Variants in ZCCHC14 observed in about 807,000 individuals in gnomAD.
ZCCHC14 encodes the protein zinc finger CCHC-type containing 14.
In ZCCHC14, 16 loss-of-function variants were observed where a neutral mutation model predicts 85.0. The observed-to-expected ratio is 0.19, with a 90% CI of 0.13 to 0.29. ZCCHC14 has a LOEUF of 0.29. Ranked by LOEUF, ZCCHC14 falls within the 10% of genes least tolerant of loss-of-function variation. ZCCHC14 has a pLI of 1.00. For missense variants in ZCCHC14, 1,303 were observed against 1,443.5 expected (o/e 0.90, Z 1.58); for synonymous variants, 775 against 630.7 (o/e 1.23, Z -3.43).
chr16:87,407,734 T>C lies in ZCCHC14; in HGVS notation c.*2546A>G, dbSNP rs1336215075. The stretch of plus-strand genomic sequence containing the variant: ...ACTTTCAGGAAAATGACTAAGTACT[T>C]GAAAGGGTCAGTATGTTCTGTGTTT... On this transcript the variant is annotated 3_prime_UTR_variant, in exon 13 of 13. Transcript: ENST00000671377. 6.6e-6 allele frequency: 1 copy of C among 152,228 alleles called. No homozygotes were observed. Among genetic ancestry groups the C allele is most frequent in the Non-Finnish European group, 1.5e-5 (1 of 68,046 alleles). 9.4% of individuals were successfully genotyped at this position (152,228 alleles called of 1,614,324 possible). A position where few individuals can be genotyped will look rare whatever the true frequency, so the allele number is the denominator to read the frequency against.
chr16:87,458,529 T>C (rs1489201770), intron 2 of ZCCHC14, among the ~76,000 whole-genome samples: 3 of 152,090 alleles, frequency 2.0e-5, no homozygotes, highest in African/African-American at 4.8e-5. Context: ...CTCCATACCA[T>C]ACCGTGCTCA....
At chr16:87,448,812 T>TA (rs1910558072) in intron 2 of ZCCHC14, among the ~76,000 whole-genome samples, 1 of 152,230 alleles carries the variant, frequency 6.6e-6, no homozygotes, top group African/African-American at 2.4e-5. Context: ...CTTGTCTGTG[T>TA]ACTTTGCAGT....
chr16:87,420,582 G>A lies in ZCCHC14; in HGVS notation c.950+25C>T, dbSNP rs369609420. On this transcript the variant is annotated intron_variant, in intron 5 of 12. Coordinates refer to ENST00000671377, the MANE Select transcript of ZCCHC14 (RefSeq NM_015144.3). The surrounding 1 kb of genome is among the most constrained non-coding windows in gnomAD (Gnocchi z 5.0). ...GCCTGTCCTTGCCAGCTGTGGACGCGCCGGGTGCCTGGTAAGGGCCTCACC... is the reference window on the plus strand; with the variant it reads ...GCCTGTCCTTGCCAGCTGTGGACGCACCGGGTGCCTGGTAAGGGCCTCACC... The A allele has an allele frequency of 3.0e-5, 47 of 1,588,638 alleles. 1 individual carries two copies. The highest frequency in any genetic ancestry group is 2.3e-4 in the African/African-American group (17 of 74,432).
chr16:87,481,196 G>A (rs1912251887), intron 1 of ZCCHC14, among the ~76,000 whole-genome samples: 1 of 152,174 alleles, frequency 6.6e-6, no homozygotes, highest in African/African-American at 2.4e-5. Context: ...GCTAGACCTA[G>A]GTCAAGGTCA....
intron 2 of ZCCHC14, among the ~76,000 whole-genome samples, chr16:87,447,156 T>C (rs2150748759): frequency 6.6e-6 from 1 of 152,320 alleles, no homozygotes; most frequent in East Asian, 1.9e-4. Flanking sequence ...CAGAGCCTTA[T>C]AAGACACATA....
chr16:87,442,290 G>T (rs1910224341), intron 2 of ZCCHC14, among the ~76,000 whole-genome samples: 2 of 152,166 alleles, frequency 1.3e-5, no homozygotes. Context: ...CCCACAGAAG[G>T]CTGCACAGTA....
intron 2 of ZCCHC14, among the ~76,000 whole-genome samples, chr16:87,447,724 G>C (rs751320188): frequency 6.6e-6 from 1 of 152,290 alleles, no homozygotes; most frequent in South Asian, 2.1e-4. Flanking sequence ...AAATTCCCTA[G>C]GACGAGAACT....
In ZCCHC14 at chr16:87,491,628, C is replaced by A. The variant is rs756792659; in HGVS notation, c.570+41G>T. 7.3e-7 allele frequency: 1 copy of A among 1,364,532 alleles called. No individual in the cohort carries two copies. Among genetic ancestry groups the A allele is most frequent in the Non-Finnish European group, 9.4e-7 (1 of 1,061,690 alleles). The allele number at this position is 1,364,532 out of a possible 1,614,324, so 84.5% of individuals were successfully genotyped here. On this transcript the variant is annotated intron_variant, in intron 1 of 12. Transcript: ENST00000671377. This position sits in a 1 kb window ranked among gnomAD's most constrained non-coding sequence, Gnocchi z 5.9. ...GGCTTGGAGTGCAGAGTTGGGGATG[C>A]AGACTTGGGGTACAGGGCAGAGCTC...
At chr16:87,451,194 C>G (rs559100929) in intron 2 of ZCCHC14, among the ~76,000 whole-genome samples, 2 of 146,638 alleles carry the variant, frequency 1.4e-5, no homozygotes, top group Admixed American at 1.4e-4. Context: ...GACATGGCGC[C>G]CAGCCTTTTT....
chr16:87,447,491 T>C (rs1488342269), intron 2 of ZCCHC14, among the ~76,000 whole-genome samples: 2 of 152,212 alleles, frequency 1.3e-5, no homozygotes, highest in African/African-American at 4.8e-5. Flanking sequence ...CGGGCCCTGC[T>C]TTCATTCAAC....
At chr16:87,450,112 A>G (rs1014036334) in intron 2 of ZCCHC14, among the ~76,000 whole-genome samples, 31 of 152,196 alleles carry the variant, frequency 2.0e-4, no homozygotes, top group African/African-American at 6.5e-4. Context: ...GGTCATATAC[A>G]AGACAACCAA....
chr16:87,464,598 G>A (rs537908592), intron 1 of ZCCHC14, among the ~76,000 whole-genome samples: 1 of 152,166 alleles, frequency 6.6e-6, no homozygotes, highest in Non-Finnish European at 1.5e-5. Flanking sequence ...CACTGCATCT[G>A]ACATCAAGAC....
chr16:87,438,186 G>A (rs1910021058), intron 2 of ZCCHC14, among the ~76,000 whole-genome samples: 1 of 152,274 alleles, frequency 6.6e-6, no homozygotes, highest in South Asian at 2.1e-4. Flanking sequence ...GCACTGCGTG[G>A]CACACAGAGC....
intron 9 of ZCCHC14, 89 bp downstream of exon 9, chr16:87,415,187 C>G: frequency 9.5e-7 from 1 of 1,054,046 alleles, no homozygotes; most frequent in Non-Finnish European, 1.5e-6. Flanking sequence ...AATCCAATCA[C>G]TAGTATTTAG....
chr16:87,434,754 G>A (rs143123673), intron 2 of ZCCHC14, among the ~76,000 whole-genome samples: 10,968 of 152,148 alleles, frequency 0.072, 1,321 homozygotes, highest in African/African-American at 0.25. Context: ...CACTTTGGGG[G>A]GCCGAGGCAG....
intron 1 of ZCCHC14, among the ~76,000 whole-genome samples, chr16:87,478,227 A>G (rs1291794093): frequency 1.3e-5 from 2 of 152,266 alleles, no homozygotes; most frequent in African/African-American, 2.4e-5. Flanking sequence ...TGCAGTGTCG[A>G]AAGTTCAGAA....
chr16:87,432,865 C>G (rs1191779488), intron 3 of ZCCHC14, among the ~76,000 whole-genome samples: 1 of 152,192 alleles, frequency 6.6e-6, no homozygotes, highest in Non-Finnish European at 1.5e-5. Flanking sequence ...CTATTTAGCC[C>G]CCTGAGGTAT....
At chr16:87,461,302 C>T (rs1399680874) in intron 1 of ZCCHC14, among the ~76,000 whole-genome samples, 2 of 152,222 alleles carry the variant, frequency 1.3e-5, no homozygotes, top group African/African-American at 4.8e-5. Context: ...AACCTTCATT[C>T]CCTCCCCATC....
intron 1 of ZCCHC14, among the ~76,000 whole-genome samples, chr16:87,468,402 C>G (rs2150766532): frequency 6.6e-6 from 1 of 151,770 alleles, no homozygotes; most frequent in East Asian, 1.9e-4. Context: ...TGTGCATGTT[C>G]ATTCAGCTGT....
Sources: gnomAD v4.1 joint callset for allele counts (sites outside exome capture counted in the v4.1 genomes callset) on GRCh38, gnomAD v4.1.1 for gene constraint, Gnocchi (gnomAD v3.1) non-coding constraint, MANE v1.5 for transcripts, NCBI Gene and HGNC (gene_info 2026-07-23, HGNC 2026-07-21) for gene names.